DDAH1: variants seen among roughly 807,000 people sequenced by gnomAD.
DDAH1 encodes dimethylarginine dimethylaminohydrolase 1, also known as N(G),N(G)-dimethylarginine dimethylaminohydrolase 1.
Under a neutral mutation model 28.8 loss-of-function variants are expected in DDAH1, and 19 were observed. The observed-to-expected ratio is 0.66, with a 90% confidence interval of 0.46 to 0.97. DDAH1 has a LOEUF of 0.97. Among genes scored for constraint, DDAH1 ranks in the 50% least tolerant of loss-of-function variants. The pLI, the probability that DDAH1 is intolerant of heterozygous loss-of-function variation, is 0.00. For synonymous variants in DDAH1, 153 were observed against 154.4 expected, an observed-to-expected ratio of 0.99 and a Z score of 0.07; for missense variants, 326 against 375.9, an observed-to-expected ratio of 0.87 and a Z score of 1.10.
Position 85,544,435 on chromosome 1 carries a change from T to C in DDAH1, c.-123+33549A>G, listed in dbSNP as rs763274212. ...CTCTACATTTTAAAGAACAGCTAAA[T>C]AAAAACTCCCAGAGCACAATGTCTA... On this transcript the variant is annotated intron_variant, in intron 1 of 6. Coordinates refer to the DDAH1 transcript ENST00000426972. Among the ~76,000 whole-genome samples the C allele has an allele frequency of 9.2e-5, 14 of 152,284 alleles. No individual in the cohort carries two copies. The South Asian group carries it at 1.0e-3, about 11-fold the overall frequency.
chr1:85,507,641 T>C (rs1441816764), intron 1 of DDAH1, among the ~76,000 whole-genome samples: 5 of 152,188 alleles, frequency 3.3e-5, no homozygotes, highest in Non-Finnish European at 7.3e-5. Context: ...AATACCCATG[T>C]TATTTAATAT....
intron 1 of DDAH1, chr1:85,575,830 A>C (rs967569293): frequency 6.6e-6 from 1 of 152,086 alleles, no homozygotes; most frequent in Non-Finnish European, 1.5e-5. Flanking sequence ...CTAGTCACTT[A>C]CCTTCCATGC....
At chr1:85,530,246 G>A (rs868282399) in intron 1 of DDAH1, among the ~76,000 whole-genome samples, 1 of 152,172 alleles carries the variant, frequency 6.6e-6, no homozygotes, top group Admixed American at 6.5e-5. Context: ...CTCAGTGGAG[G>A]TACAAACTGG....
chr1:85,505,226 C>A (rs1656973418), intron 1 of DDAH1, among the ~76,000 whole-genome samples: 1 of 151,890 alleles, frequency 6.6e-6, no homozygotes, highest in African/African-American at 2.4e-5. Flanking sequence ...GGTGATCTAC[C>A]TGCCTTGGCC....
intron 1 of DDAH1, among the ~76,000 whole-genome samples, chr1:85,425,608 C>T (rs1653359291): frequency 6.6e-6 from 1 of 152,140 alleles, no homozygotes; most frequent in African/African-American, 2.4e-5. Flanking sequence ...AGTTTTACAT[C>T]AAGTAAATGT....
chr1:85,368,022 TCAAA>T (rs572768211), intron 1 of DDAH1, among the ~76,000 whole-genome samples: 146 of 152,342 alleles, frequency 9.6e-4, no homozygotes, highest in East Asian at 4.8e-3. Context: ...GGCCACTTTA[TCAAA>T]CTGATTAAAT....
intron 1 of DDAH1, among the ~76,000 whole-genome samples, chr1:85,452,397 C>T (rs1024040498): frequency 2.0e-5 from 3 of 152,054 alleles, no homozygotes; most frequent in Admixed American, 1.3e-4. Flanking sequence ...TATGTTGCAA[C>T]CTATAGCATA....
At chr1:85,492,888 A>G (rs1343962500) in intron 2 of DDAH1, among the ~76,000 whole-genome samples, 1 of 152,102 alleles carries the variant, frequency 6.6e-6, no homozygotes, top group Non-Finnish European at 1.5e-5. Context: ...TTTCTTCATT[A>G]GACTATGAGT....
chr1:85,374,618 C>T (rs1434168746), intron 1 of DDAH1, among the ~76,000 whole-genome samples: 5 of 152,036 alleles, frequency 3.3e-5, no homozygotes, highest in African/African-American at 1.2e-4. Context: ...TCTTTGTAAT[C>T]CCAACACCCA....
chr1:85,418,969 G>T (rs1653009105), intron 1 of DDAH1, among the ~76,000 whole-genome samples: 1 of 152,148 alleles, frequency 6.6e-6, no homozygotes, highest in African/African-American at 2.4e-5. Flanking sequence ...TTACAAGAGG[G>T]AAAGAGCCTT....
At chr1:85,338,710 A>G (rs1055528013) in intron 4 of DDAH1, among the ~76,000 whole-genome samples, 1 of 152,126 alleles carries the variant, frequency 6.6e-6, no homozygotes, top group African/African-American at 2.4e-5. Context: ...TCTTGGGTAC[A>G]TTAAAGTTTG....
chr1:85,506,934 G>A (rs1447596004), intron 1 of DDAH1, among the ~76,000 whole-genome samples: 2 of 152,142 alleles, frequency 1.3e-5, no homozygotes, highest in Non-Finnish European at 2.9e-5. Context: ...GTGACCACGG[G>A]GATAGAAAGG....
intron 1 of DDAH1, among the ~76,000 whole-genome samples, chr1:85,432,678 A>G (rs920905766): frequency 2.0e-5 from 3 of 152,208 alleles, no homozygotes; most frequent in African/African-American, 7.2e-5. Context: ...ATATCACATG[A>G]CTTACTGCAG....
chr1:85,477,335 A>G (rs1017241224), intron 2 of DDAH1, among the ~76,000 whole-genome samples: 7 of 152,140 alleles, frequency 4.6e-5, no homozygotes, highest in Admixed American at 4.6e-4. Flanking sequence ...TGCCTCCCCA[A>G]TGACAGGGGG....
intron 1 of DDAH1, among the ~76,000 whole-genome samples, chr1:85,430,234 C>T (rs1653611233): frequency 6.6e-6 from 1 of 152,056 alleles, no homozygotes; most frequent in African/African-American, 2.4e-5. Flanking sequence ...TTTCTGAGGG[C>T]TCTGTTCTGT....
intron 1 of DDAH1, among the ~76,000 whole-genome samples, chr1:85,411,171 C>T (rs1169086235): frequency 1.3e-5 from 2 of 152,156 alleles, no homozygotes; most frequent in Non-Finnish European, 2.9e-5. Context: ...CATATGAAAA[C>T]ATTTAACCAC....
In DDAH1 at chr1:85,327,126, G is replaced by A. The variant is rs1279647195; in HGVS notation, c.598-2243C>T. Reference sequence around the variant, plus strand: ...GTGTGCAAGGGAACAAATGAAGACCGCCTGAGCCCGGGAGTTTGAGACCAG... The same window carrying A: ...GTGTGCAAGGGAACAAATGAAGACCACCTGAGCCCGGGAGTTTGAGACCAG... On this transcript the variant is annotated intron_variant, in intron 4 of 5. Coordinates refer to ENST00000284031, the MANE Select transcript of DDAH1 (RefSeq NM_012137.4). Among the ~76,000 whole-genome samples the A allele has an allele frequency of 3.3e-5, 5 of 152,222 alleles. No homozygotes were observed. In the East Asian group the frequency reaches 7.7e-4, roughly 24 times the overall value.
At chr1:85,326,396 A>G (rs1647397530) in intron 4 of DDAH1, among the ~76,000 whole-genome samples, 1 of 152,260 alleles carries the variant, frequency 6.6e-6, no homozygotes, top group Non-Finnish European at 1.5e-5. Flanking sequence ...AATAAGAACT[A>G]GCAGGGCACC....
At chr1:85,441,738 CAATGTTTCATA>C (rs1056380057) in intron 1 of DDAH1, among the ~76,000 whole-genome samples, 22 of 152,218 alleles carry the variant, frequency 1.4e-4, no homozygotes, top group African/African-American at 5.3e-4. Flanking sequence ...GGCACTACAC[CAATGTTTCATA>C]TTTATTATTC....
Sources: gnomAD v4.1 joint callset for allele counts (sites outside exome capture counted in the v4.1 genomes callset) on GRCh38, gnomAD v4.1.1 for gene constraint, MANE v1.5 for transcripts, NCBI Gene and HGNC (gene_info 2026-07-23, HGNC 2026-07-21) for gene names.